FOCAD: variants seen among roughly 807,000 people sequenced by gnomAD.
FOCAD encodes focadhesin.
A neutral mutation model predicts 225.6 loss-of-function variants in FOCAD; 198 were observed. The ratio of observed to expected loss-of-function variants is 0.88; its 90% CI spans 0.78 to 0.99. The LOEUF (loss-of-function observed/expected upper bound fraction) is 0.99, where lower values mean the gene tolerates loss of function less well. FOCAD is among the 50% of genes least tolerant of loss of function. The pLI is 0.00. For missense variants in FOCAD, 2,713 were observed against 2,123.6 expected (o/e 1.28, Z -5.46); for synonymous variants, 897 against 755.0 (o/e 1.19, Z -3.08).
chr9:20,814,807 T>C (rs1260929458), intron 11 of FOCAD, among the ~76,000 whole-genome samples: 1 of 152,162 alleles, frequency 6.6e-6, no homozygotes, highest in African/African-American at 2.4e-5. Flanking sequence ...CCCTCCTTTT[T>C]ATGTTACCAA....
chr9:20,933,133 G>A, intron 28 of FOCAD, 30 bp downstream of exon 28: 1 of 1,502,096 alleles, frequency 6.7e-7, no homozygotes, highest in Non-Finnish European at 9.3e-7. Context: ...ACTCTCACAG[G>A]TACTTAGACA....
intron 28 of FOCAD, among the ~76,000 whole-genome samples, chr9:20,942,522 A>G (rs990447926): frequency 1.3e-5 from 2 of 152,236 alleles, no homozygotes; most frequent in African/African-American, 2.4e-5. Context: ...ATCTTGCATG[A>G]TACGTTCAGT....
rs114102967 is a variant in FOCAD at position 20,902,970 on chromosome 9, T to C, written c.2626-4180T>C. ...TTGTGATTTTTTTAAACTAGGTATT[T>C]TCAATTCTATTTTTATTTGGGTATA... On this transcript the variant is annotated intron_variant, in intron 21 of 43. Transcript: ENST00000338382. 2.5e-3 allele frequency among the ~76,000 whole-genome samples: 386 copies of C among 152,042 alleles called. 1 individual carries two copies. Among genetic ancestry groups the C allele is most frequent in the African/African-American group, 8.8e-3 (364 of 41,530 alleles).
chr9:20,916,449 G>A (rs752016541), intron 23 of FOCAD, among the ~76,000 whole-genome samples: 1 of 152,114 alleles, frequency 6.6e-6, no homozygotes, highest in South Asian at 2.1e-4. Context: ...TGATGTTTTG[G>A]TGAGCTCTCA....
At chr9:20,873,233 C>T (rs141706837) in intron 18 of FOCAD, among the ~76,000 whole-genome samples, 44 of 152,004 alleles carry the variant, frequency 2.9e-4, no homozygotes, top group African/African-American at 9.9e-4. Flanking sequence ...TTTTGTTTTG[C>T]CACGTTACTA....
intron 27 of FOCAD, among the ~76,000 whole-genome samples, chr9:20,931,739 G>T (rs1835491872): frequency 6.6e-6 from 1 of 151,998 alleles, no homozygotes. Flanking sequence ...GTAAGCCCAG[G>T]AGTTTGAGAC....
rs1332444170 is a variant in FOCAD at position 20,770,227 on chromosome 9, C to G, written c.895C>G (p.Leu299Val). ...SIHLLEHSVELLKEDFPVELV... is the reference protein window; with the variant it reads ...SIHLLEHSVEVLKEDFPVELV... ...TCACCTTTTAGAGCACAGTGTTGAA[C>G]TTCTGAAGGAGGTAAGGATAGTAGT... The change falls in exon 8 of 44, where the codon CTT becomes GTT. Residue 299 changes from leucine to valine, a missense_variant. Leu to Val is a conservative substitution (Grantham distance 32). Coordinates refer to ENST00000338382, the MANE Select transcript of FOCAD (RefSeq NM_001375567.1). 2 of 1,613,710 alleles carry G rather than the reference C, an allele frequency of 1.2e-6. No homozygotes were observed. Among genetic ancestry groups the G allele is most frequent in the African/African-American group, 1.3e-5 (1 of 75,004 alleles).
At chr9:20,842,153 A>C (rs184790775) in intron 15 of FOCAD, among the ~76,000 whole-genome samples, 10 of 150,932 alleles carry the variant, frequency 6.6e-5, no homozygotes, top group Non-Finnish European at 8.9e-5. Context: ...TTACAATACT[A>C]TTTGTGGCCT....
At chr9:20,930,336 A>T (rs973147133) in intron 27 of FOCAD, among the ~76,000 whole-genome samples, 1 of 152,188 alleles carries the variant, frequency 6.6e-6, no homozygotes, top group Non-Finnish European at 1.5e-5. Flanking sequence ...TTAGAATTTT[A>T]TATATCTACA....
chr9:20,933,015 G>C lies in FOCAD; in HGVS notation c.3319G>C (p.Asp1107His). The C allele has an allele frequency of 6.2e-7, 1 of 1,611,990 alleles. No individual in the cohort carries two copies. Residue 1107 changes from aspartate to histidine, a missense_variant and splice_region_variant, in exon 28 of 44, where the codon GAT becomes CAT. By Grantham distance (81) the Asp-to-His change is moderately conservative (BLOSUM62 -1). Coordinates refer to ENST00000338382, the MANE Select transcript of FOCAD (RefSeq NM_001375567.1). ...LSRLCEEKLS[D>H]ISGQEMNLLL... Reference sequence around the variant, plus strand: ...TGTTTCCCCTTGATCTTTAACCAGTGATATATCTGGCCAAGAGATGAACCT... The same window carrying C: ...TGTTTCCCCTTGATCTTTAACCAGTCATATATCTGGCCAAGAGATGAACCT...
intron 35 of FOCAD, among the ~76,000 whole-genome samples, chr9:20,974,939 G>A (rs571306867): frequency 9.1e-4 from 139 of 152,190 alleles, no homozygotes; most frequent in African/African-American, 3.2e-3. Flanking sequence ...TTCTTCCTAT[G>A]CTTCTCCTTT....
intron 1 of FOCAD, among the ~76,000 whole-genome samples, chr9:20,698,312 T>A (rs959337239): frequency 6.6e-6 from 1 of 152,150 alleles, no homozygotes; most frequent in African/African-American, 2.4e-5. Flanking sequence ...TTTTTAATTC[T>A]ATATTTCTCT....
chr9:20,892,510 G>A (rs879130025), intron 21 of FOCAD, among the ~76,000 whole-genome samples: 2 of 152,066 alleles, frequency 1.3e-5, no homozygotes, highest in Admixed American at 6.6e-5. Flanking sequence ...TCAAGATTTC[G>A]GTGGAGGAAG....
At chr9:20,777,561 TG>T (rs1818891023) in intron 8 of FOCAD, among the ~76,000 whole-genome samples, 1 of 152,138 alleles carries the variant, frequency 6.6e-6, no homozygotes, top group Admixed American at 6.5e-5. Context: ...TCCATTTCTA[TG>T]GTCATTGCTC....
In FOCAD at chr9:20,917,207, T is replaced by C. The variant is rs980913281; in HGVS notation, c.2852+270T>C. 2.0e-5 allele frequency among the ~76,000 whole-genome samples: 3 copies of C among 151,970 alleles called. No individual in the cohort carries two copies. The South Asian group carries it at 6.2e-4, about 32-fold the overall frequency. ...GAGCCCCTGCTGTATACCTAACAGA[T>C]GACATGTGCTTTGGCTTAAACTTAA... On this transcript the variant is annotated intron_variant, in intron 24 of 43. Coordinates refer to ENST00000338382, the MANE Select transcript of FOCAD (RefSeq NM_001375567.1).
intron 35 of FOCAD, among the ~76,000 whole-genome samples, chr9:20,954,355 C>CAT (rs1837950787): frequency 6.6e-6 from 1 of 152,060 alleles, no homozygotes; most frequent in South Asian, 2.1e-4. Context: ...GCTAGGAATA[C>CAT]ATATATATTT....
intron 10 of FOCAD, 71 bp downstream of exon 10, chr9:20,782,000 G>A (rs753910514): frequency 5.3e-6 from 7 of 1,319,996 alleles, no homozygotes; most frequent in Admixed American, 1.7e-5. Flanking sequence ...GGATAATCTT[G>A]CCTCCTGATG....
At chr9:20,929,319 T>G in intron 26 of FOCAD, 39 bp from the exon 27 acceptor site, 1 of 1,552,102 alleles carries the variant, frequency 6.4e-7, no homozygotes, top group Non-Finnish European at 8.9e-7. Context: ...TCCTTCATGT[T>G]TAAGGCTAAC....
chr9:20,948,352 A>G lies in FOCAD; in HGVS notation c.3757A>G (p.Ser1253Gly). 1 of 1,612,792 alleles carries G rather than the reference A, an allele frequency of 6.2e-7. No individual in the cohort carries two copies. The highest frequency in any genetic ancestry group is 2.2e-5 in the East Asian group (1 of 44,796). ...CGHGKAEDLG[S>G]KLLPAWIRIV... ...ACATGGAAAAGCTGAAGACTTGGGCAGCAAACTACTCCCTGCCTGGATCAG... is the reference window on the plus strand; with the variant it reads ...ACATGGAAAAGCTGAAGACTTGGGCGGCAAACTACTCCCTGCCTGGATCAG... The change falls in exon 31 of 44, where the codon AGC becomes GGC. Residue 1253 changes from serine (S) to glycine (G), a missense_variant. Physicochemically the swap from Ser to Gly is moderately conservative, Grantham distance 56 (BLOSUM62 0). Coordinates refer to ENST00000338382, the MANE Select transcript of FOCAD (RefSeq NM_001375567.1).
Sources: allele counts gnomAD v4.1 joint callset (sites outside exome capture counted in the v4.1 genomes callset), GRCh38; gene constraint gnomAD v4.1.1; transcripts MANE v1.5; gene names NCBI Gene and HGNC (gene_info 2026-07-23, HGNC 2026-07-21).